NTM: variants seen among roughly 807,000 people sequenced by gnomAD.
The protein encoded by NTM is IgLON family member 2.
A neutral mutation model predicts 42.1 loss-of-function variants in NTM; 13 were observed. That is an observed-to-expected ratio of 0.31 (90% confidence interval 0.20 to 0.49). The LOEUF (loss-of-function observed/expected upper bound fraction) is 0.49, where lower values mean the gene tolerates loss of function less well. Ranked by LOEUF, NTM falls within the 20% of genes least tolerant of loss-of-function variation. The pLI is 0.99. For missense variants in NTM, 373 were observed against 452.8 expected (o/e 0.82, Z 1.60); for synonymous variants, 187 against 179.2 (o/e 1.04, Z -0.35).
intron 1 of NTM, among the ~76,000 whole-genome samples, chr11:131,876,413 T>G (rs1235316671): frequency 6.6e-6 from 1 of 152,232 alleles, no homozygotes; most frequent in Non-Finnish European, 1.5e-5. Context: ...TAGTGGATTA[T>G]CCATAACCAA....
At chr11:132,119,869 T>C (rs572250180) in intron 2 of NTM, among the ~76,000 whole-genome samples, 1 of 152,348 alleles carries the variant, frequency 6.6e-6, no homozygotes, top group Admixed American at 6.5e-5. Context: ...CGAGTCCCCA[T>C]CAAGGGCTAG....
At chr11:131,509,927 G>T (rs1354960054) in intron 1 of NTM, among the ~76,000 whole-genome samples, 1 of 152,058 alleles carries the variant, frequency 6.6e-6, no homozygotes, top group African/African-American at 2.4e-5. Flanking sequence ...ATATCTCAGG[G>T]CATCAAAGCA....
chr11:132,320,182 CT>C (rs2095528620), intron 7 of NTM, among the ~76,000 whole-genome samples: 1 of 152,222 alleles, frequency 6.6e-6, no homozygotes, highest in Non-Finnish European at 1.5e-5. Context: ...CGCAAGATGG[CT>C]GAATAGGAAC....
intron 3 of NTM, among the ~76,000 whole-genome samples, chr11:132,150,751 T>G (rs1194255782): frequency 6.6e-6 from 1 of 151,816 alleles, no homozygotes. Flanking sequence ...AGTTCGAGGG[T>G]TGGTTAAGTG....
intron 4 of NTM, among the ~76,000 whole-genome samples, chr11:132,213,520 AG>A (rs2083260809): frequency 6.6e-6 from 1 of 151,936 alleles, no homozygotes; most frequent in African/African-American, 2.4e-5. Context: ...TCCTTCTGTG[AG>A]GCATAAGTCC....
intron 1 of NTM, among the ~76,000 whole-genome samples, chr11:131,509,326 T>C (rs1591876478): frequency 6.6e-6 from 1 of 152,322 alleles, no homozygotes; most frequent in East Asian, 1.9e-4. Flanking sequence ...ATAACTCCGC[T>C]TTGGTCTCCC....
At chr11:132,241,117 C>T (rs372373231) in intron 4 of NTM, among the ~76,000 whole-genome samples, 4 of 152,000 alleles carry the variant, frequency 2.6e-5, no homozygotes, top group Non-Finnish European at 5.9e-5. Context: ...ACTTGGGACC[C>T]GTCCCCAAGA....
At chr11:132,050,779 C>T (rs979362442) in intron 2 of NTM, among the ~76,000 whole-genome samples, 11 of 152,164 alleles carry the variant, frequency 7.2e-5, no homozygotes, top group African/African-American at 2.7e-4. Context: ...GCCAGTGTGT[C>T]GAGAGCAGAG....
intron 2 of NTM, among the ~76,000 whole-genome samples, chr11:132,102,402 G>A (rs2061729888): frequency 6.6e-6 from 1 of 152,176 alleles, no homozygotes; most frequent in Non-Finnish European, 1.5e-5. Flanking sequence ...GAGAGTCAGT[G>A]TGCCTGAAGA....
At chr11:131,831,860 A>G (rs2042859722) in intron 1 of NTM, among the ~76,000 whole-genome samples, 1 of 151,400 alleles carries the variant, frequency 6.6e-6, no homozygotes, top group South Asian at 2.1e-4. Flanking sequence ...TCCTTTAAAT[A>G]TTCATAAAAG....
intron 1 of NTM, among the ~76,000 whole-genome samples, chr11:131,847,636 A>AC (rs1181521817): frequency 2.0e-5 from 3 of 152,144 alleles, no homozygotes; most frequent in Non-Finnish European, 4.4e-5. Context: ...TCAGGTAAAA[A>AC]ATCAGTCCAG....
intron 2 of NTM, among the ~76,000 whole-genome samples, chr11:132,082,295 G>A (rs1566111315): frequency 6.6e-6 from 1 of 152,046 alleles, no homozygotes; most frequent in Non-Finnish European, 1.5e-5. Context: ...TGAAAGGAAA[G>A]CTCTCAACAA....
chr11:132,103,823 C>T (rs536031248), intron 2 of NTM, among the ~76,000 whole-genome samples: 2 of 152,274 alleles, frequency 1.3e-5, no homozygotes, highest in East Asian at 1.9e-4. Context: ...GGTTAAATGA[C>T]GTGGTGCAGA....
chr11:131,583,847 C>G (rs1363922210), intron 1 of NTM, among the ~76,000 whole-genome samples: 1 of 152,134 alleles, frequency 6.6e-6, no homozygotes, highest in Non-Finnish European at 1.5e-5. Flanking sequence ...TTGTATGAAA[C>G]CCATAGATGA....
At chr11:131,800,688 A>G (rs2092028520) in intron 1 of NTM, among the ~76,000 whole-genome samples, 1 of 152,108 alleles carries the variant, frequency 6.6e-6, no homozygotes, top group Non-Finnish European at 1.5e-5. Flanking sequence ...TAGGTGTTCC[A>G]TCCTCTTCCT....
intron 1 of NTM, chr11:131,910,871 A>C: frequency 1.0e-6 from 1 of 985,172 alleles, no homozygotes; most frequent in Non-Finnish European, 1.2e-6. Context: ...CGGCTGCCGC[A>C]GGATCCCGGG....
intron 1 of NTM, among the ~76,000 whole-genome samples, chr11:131,422,939 A>C (rs1205284246): frequency 6.6e-6 from 1 of 152,232 alleles, no homozygotes; most frequent in African/African-American, 2.4e-5. Context: ...AGTAGTCTGC[A>C]AACAGAAAAT....
At chr11:131,833,242 C>T (rs1014996871) in intron 1 of NTM, among the ~76,000 whole-genome samples, 1 of 152,132 alleles carries the variant, frequency 6.6e-6, no homozygotes, top group African/African-American at 2.4e-5. Flanking sequence ...TCACATAGGC[C>T]TGAGTTTTAC....
intron 1 of NTM, among the ~76,000 whole-genome samples, chr11:131,832,990 T>C (rs2043014030): frequency 6.6e-6 from 1 of 152,238 alleles, no homozygotes; most frequent in Non-Finnish European, 1.5e-5. Flanking sequence ...ATAAAGTATT[T>C]ATAACATGTT....
Sources: gnomAD v4.1 joint callset for allele counts (sites outside exome capture counted in the v4.1 genomes callset) on GRCh38, gnomAD v4.1.1 for gene constraint, MANE v1.5 for transcripts, NCBI Gene and HGNC (gene_info 2026-07-23, HGNC 2026-07-21) for gene names.